The following LINGO2 variants were observed in gnomAD, a reference collection of about 807,000 sequenced individuals.
LINGO2 encodes the protein leucine rich repeat and Ig domain containing 2.
In LINGO2, 14 loss-of-function variants were observed where a neutral mutation model predicts 30.6. The ratio of observed to expected loss-of-function variants is 0.46; its 90% CI spans 0.30 to 0.72. The LOEUF (loss-of-function observed/expected upper bound fraction) is 0.72. LINGO2 is among the 30% of genes least tolerant of loss of function. LINGO2 has a pLI of 0.07. For synonymous variants in LINGO2, 317 were observed against 288.5 expected, an observed-to-expected ratio of 1.10 and a Z score of -1.00; for missense variants, 729 against 751.7, an observed-to-expected ratio of 0.97 and a Z score of 0.35.
chr9:28,767,396 G>T, the LINGO2 span, among the ~76,000 whole-genome samples: 2 of 152,222 alleles, frequency 1.3e-5, no homozygotes, highest in South Asian at 2.1e-4. Context: ...ATGCTGCCCT[G>T]ACATTTATAG....
chr9:29,157,296 T>C, the LINGO2 span, among the ~76,000 whole-genome samples: 1 of 152,096 alleles, frequency 6.6e-6, no homozygotes, highest in Non-Finnish European at 1.5e-5. Context: ...ACTACATAAG[T>C]ACGGTGTTCT....
intron 4 of LINGO2, among the ~76,000 whole-genome samples, chr9:28,227,733 G>C (rs1821218446): frequency 6.6e-6 from 1 of 152,004 alleles, no homozygotes; most frequent in African/African-American, 2.4e-5. Context: ...TTTTCCACCA[G>C]AGGGCTTTTG....
the LINGO2 span, among the ~76,000 whole-genome samples, chr9:28,773,082 A>G: frequency 6.6e-6 from 1 of 152,208 alleles, no homozygotes; most frequent in South Asian, 2.1e-4. Context: ...TGACCTACAT[A>G]CGGCCGGGCG....
chr9:28,670,620 A>AG (rs1255409730), upstream of LINGO2, among the ~76,000 whole-genome samples: 5 of 152,176 alleles, frequency 3.3e-5, no homozygotes, highest in Non-Finnish European at 4.4e-5. Flanking sequence ...ACCACATCAA[A>AG]TCATTTTTCT....
rs149433653 is a variant in LINGO2 at position 28,511,231 on chromosome 9, T to C, written c.-364-35206A>G. Among the ~76,000 whole-genome samples the C allele has an allele frequency of 3.7e-3, 565 of 152,276 alleles. 4 individuals are homozygous for C. The highest frequency in any genetic ancestry group is 0.013 in the African/African-American group (545 of 41,566). ...ATTATGTGCAGGATAGGCAAACCCATATCTGGAGTAAGTGTCTATTCCAGT... is the reference window on the plus strand; with the variant it reads ...ATTATGTGCAGGATAGGCAAACCCACATCTGGAGTAAGTGTCTATTCCAGT... On this transcript the variant is annotated intron_variant, in intron 1 of 5. Transcript: ENST00000379992.
At chr9:28,432,834 G>A (rs938417290) in intron 2 of LINGO2, among the ~76,000 whole-genome samples, 1 of 152,066 alleles carries the variant, frequency 6.6e-6, no homozygotes, top group African/African-American at 2.4e-5. Context: ...AAGAGACGTT[G>A]ACTTCAGCTT....
intron 1 of LINGO2, among the ~76,000 whole-genome samples, chr9:28,596,901 A>G (rs1418914718): frequency 6.6e-6 from 1 of 152,154 alleles, no homozygotes; most frequent in Non-Finnish European, 1.5e-5. Flanking sequence ...GGCACCCGGT[A>G]AACAAGCCAG....
At position 28,156,805 on chromosome 9, in the gene LINGO2, G is replaced by A. The variant is rs550766909; in HGVS notation, c.-87+138403C>T. On this transcript the variant is annotated intron_variant, in intron 4 of 5. Transcript: ENST00000379992. ...GGGGCCACAGGCCCCATGGCAGTCT[G>A]AAATCCAGCAGGGCAGTCACATCTT... Among the ~76,000 whole-genome samples the A allele has an allele frequency of 1.6e-4, 24 of 152,352 alleles. No individual in the cohort carries two copies. The South Asian group carries it at 3.3e-3, about 21-fold the overall frequency.
chr9:28,148,520 T>C lies in LINGO2; in HGVS notation c.-86-136115A>G, dbSNP rs1215749376. The C allele has an allele frequency of 7.4e-5, 109 of 1,472,176 alleles. 2 individuals carry two copies. The South Asian group carries it at 1.2e-3, about 17-fold the overall frequency. The allele number at this position is 1,472,176 out of a possible 1,614,324, so 91.2% of individuals were successfully genotyped here. ...GCAGGAGGACAATAAAAGGGGCCCC[T>C]GTAGCAATGGGGAAGCAGCTTCCAC... On this transcript the variant is annotated intron_variant, in intron 4 of 5. Coordinates refer to ENST00000379992, the Ensembl canonical transcript of LINGO2. The surrounding 1 kb of genome is among the most constrained non-coding windows in gnomAD (Gnocchi z 5.1).
upstream of LINGO2, among the ~76,000 whole-genome samples, chr9:28,672,662 T>A (rs551408472): frequency 1.3e-5 from 2 of 152,164 alleles, no homozygotes; most frequent in African/African-American, 4.8e-5. Flanking sequence ...GTTTATTGAG[T>A]GTTTTAAAAT....
At chr9:28,813,959 A>T in the LINGO2 span, among the ~76,000 whole-genome samples, 1 of 152,220 alleles carries the variant, frequency 6.6e-6, no homozygotes, top group African/African-American at 2.4e-5. Context: ...CTGATATTAA[A>T]TGAAGATGTA....
chr9:29,075,247 G>A, the LINGO2 span, among the ~76,000 whole-genome samples: 2 of 152,106 alleles, frequency 1.3e-5, no homozygotes, highest in Non-Finnish European at 2.9e-5. Flanking sequence ...GAACTGAATT[G>A]CTCAAAGTGA....
intron 4 of LINGO2, among the ~76,000 whole-genome samples, chr9:28,226,267 C>T (rs1182087081): frequency 6.6e-6 from 1 of 152,072 alleles, no homozygotes; most frequent in Non-Finnish European, 1.5e-5. Flanking sequence ...GAAAGCTCAG[C>T]TACATCTCTA....
chr9:28,127,334 T>C (rs568387239), intron 4 of LINGO2, among the ~76,000 whole-genome samples: 1 of 152,276 alleles, frequency 6.6e-6, no homozygotes, highest in Non-Finnish European at 1.5e-5. Context: ...AAAGTACAAC[T>C]ATACTGTTGA....
chr9:28,512,455 T>C (rs1369840123), intron 1 of LINGO2, among the ~76,000 whole-genome samples: 4 of 151,560 alleles, frequency 2.6e-5, no homozygotes, highest in African/African-American at 4.9e-5. Flanking sequence ...TGCTGGGTCA[T>C]ACGGCCCAAG....
intron 3 of LINGO2, among the ~76,000 whole-genome samples, chr9:28,300,965 A>G (rs564096745): frequency 6.6e-6 from 1 of 151,792 alleles, no homozygotes; most frequent in Non-Finnish European, 1.5e-5. Context: ...CTTAGAACTC[A>G]CAAACAAAAT....
chr9:28,256,008 A>C (rs1822371536), intron 4 of LINGO2, among the ~76,000 whole-genome samples: 1 of 152,060 alleles, frequency 6.6e-6, no homozygotes, highest in Admixed American at 6.6e-5. Flanking sequence ...CATCATGTAC[A>C]TGTCCAAATA....
At chr9:28,766,773 G>T in the LINGO2 span, among the ~76,000 whole-genome samples, 1 of 144,836 alleles carries the variant, frequency 6.9e-6, no homozygotes, top group Non-Finnish European at 1.5e-5. Context: ...GGAGAGGGAG[G>T]GAAAGAGAGA....
chr9:28,546,674 T>G (rs2135483778), intron 1 of LINGO2, among the ~76,000 whole-genome samples: 1 of 152,106 alleles, frequency 6.6e-6, no homozygotes, highest in Admixed American at 6.6e-5. Flanking sequence ...GTTCTGGAAT[T>G]CTAGTTTCTG....
Sources: allele counts gnomAD v4.1 joint callset (sites outside exome capture counted in the v4.1 genomes callset), GRCh38; gene constraint gnomAD v4.1.1; non-coding constraint Gnocchi (gnomAD v3.1); transcripts MANE v1.5; gene names NCBI Gene and HGNC (gene_info 2026-07-23, HGNC 2026-07-21).